WIF1: variants seen among roughly 807,000 people sequenced by gnomAD.
WIF1 encodes the protein Wnt inhibitory factor 1.
Under a neutral mutation model 53.5 loss-of-function variants are expected in WIF1, and 35 were observed. The ratio of observed to expected loss-of-function variants is 0.65; its 90% confidence interval spans 0.50 to 0.87. The LOEUF (loss-of-function observed/expected upper bound fraction) is 0.87. Among genes scored for constraint, WIF1 ranks in the 40% least tolerant of loss-of-function variants. The pLI, the probability that WIF1 is intolerant of heterozygous loss-of-function variation, is 0.00. For missense variants in WIF1, 467 were observed against 476.8 expected (o/e 0.98, Z 0.19); for synonymous variants, 171 against 170.4 (o/e 1.00, Z -0.03).
chr12:65,110,154 G>A (rs1042884501), intron 2 of WIF1, among the ~76,000 whole-genome samples: 1 of 152,142 alleles, frequency 6.6e-6, no homozygotes, highest in African/African-American at 2.4e-5. Context: ...ACATAAAAGT[G>A]TTAGGGCCTA....
At chr12:65,071,611 T>C (rs2136617708) in intron 3 of WIF1, among the ~76,000 whole-genome samples, 1 of 152,346 alleles carries the variant, frequency 6.6e-6, no homozygotes, top group African/African-American at 2.4e-5. Context: ...CAATTTTTGC[T>C]AATTTTATTT....
At chr12:65,052,584 T>C (rs1018354161) in intron 9 of WIF1, among the ~76,000 whole-genome samples, 6 of 152,220 alleles carry the variant, frequency 3.9e-5, no homozygotes, top group Admixed American at 6.5e-5. Context: ...AGCTTCCTTG[T>C]CACCTCCGTC....
intron 9 of WIF1, among the ~76,000 whole-genome samples, chr12:65,054,343 A>C (rs1455451855): frequency 1.3e-5 from 2 of 152,012 alleles, no homozygotes; most frequent in African/African-American, 2.4e-5. Flanking sequence ...TGTTTTGTTA[A>C]TTTGCTAATT....
At chr12:65,097,380 A>G (rs1883221531) in intron 2 of WIF1, among the ~76,000 whole-genome samples, 2 of 152,154 alleles carry the variant, frequency 1.3e-5, no homozygotes, top group Admixed American at 1.3e-4. Flanking sequence ...TCCTTCCTAC[A>G]TGGCATAGTT....
chr12:65,092,438 A>ATC (rs1403773729), intron 2 of WIF1, among the ~76,000 whole-genome samples: 2 of 140,358 alleles, frequency 1.4e-5, no homozygotes, highest in African/African-American at 5.1e-5. Flanking sequence ...ATATATGTGT[A>ATC]TATATATATG....
At chr12:65,089,413 A>T (rs1457463905) in intron 2 of WIF1, among the ~76,000 whole-genome samples, 1 of 152,084 alleles carries the variant, frequency 6.6e-6, no homozygotes, top group Non-Finnish European at 1.5e-5. Context: ...CTCCCTGGTA[A>T]CTCATGCGCT....
chr12:65,050,992 T>TAA lies in WIF1; in HGVS notation c.*356_*357insTT, dbSNP rs1245031521. On this transcript the variant is annotated 3_prime_UTR_variant, in exon 10 of 10. Transcript: ENST00000286574. The stretch of plus-strand genomic sequence containing the variant: ...CTGCACCATCCAAATTCTTGTGACT[T>TAA]ACGCATTTTTGCCCAATTTAACCTT... The TAA allele has an allele frequency of 4.2e-6, 1 of 240,174 alleles. No homozygotes were observed. The highest frequency in any genetic ancestry group is 2.2e-5 in the African/African-American group (1 of 45,616). The allele number at this position is 240,174 out of a possible 1,614,324, so 14.9% of individuals were successfully genotyped here.
chr12:65,061,947 T>C (rs932397992), intron 7 of WIF1, among the ~76,000 whole-genome samples: 6 of 152,334 alleles, frequency 3.9e-5, no homozygotes, highest in African/African-American at 1.4e-4. Context: ...TTAGTATCTG[T>C]GTGGTTCATT....
chr12:65,056,164 G>A, intron 7 of WIF1, 38 bp from the exon 8 acceptor site: 1 of 1,584,154 alleles, frequency 6.3e-7, no homozygotes, highest in Non-Finnish European at 8.7e-7. Flanking sequence ...AAGGAACCTG[G>A]TGCTTCATTC....
chr12:65,057,243 A>G (rs1005811478), intron 7 of WIF1, among the ~76,000 whole-genome samples: 1 of 152,216 alleles, frequency 6.6e-6, no homozygotes, highest in African/African-American at 2.4e-5. Context: ...GTGACACAAA[A>G]GGTGCCCAAT....
In WIF1 at chr12:65,078,236, G is replaced by A. The variant is rs897876982; in HGVS notation, c.289-382C>T. Among the ~76,000 whole-genome samples, 5 of 151,998 alleles carry A rather than the reference G, an allele frequency of 3.3e-5. No individual in the cohort carries two copies. The East Asian group carries it at 5.8e-4, about 18-fold the overall frequency. ...TGGGATTACAGGCATGTACCACCAC[G>A]CCCTGCTAATTTTTGTATTTTTAGT... On this transcript the variant is annotated intron_variant, in intron 2 of 9. Coordinates refer to ENST00000286574, the MANE Select transcript of WIF1 (RefSeq NM_007191.5).
chr12:65,067,940 C>T, intron 4 of WIF1, 150 bp from the exon 5 acceptor site: 2 of 654,210 alleles, frequency 3.1e-6, no homozygotes, highest in Non-Finnish European at 5.1e-6. Context: ...CTCATTCCCT[C>T]GATATCACTT....
At chr12:65,108,675 A>G (rs1883385553) in intron 2 of WIF1, among the ~76,000 whole-genome samples, 1 of 152,154 alleles carries the variant, frequency 6.6e-6, no homozygotes, top group Non-Finnish European at 1.5e-5. Flanking sequence ...CTCACCTTTC[A>G]TGGTATCTCA....
At chr12:65,058,989 T>C (rs1592387178) in intron 7 of WIF1, among the ~76,000 whole-genome samples, 1 of 151,856 alleles carries the variant, frequency 6.6e-6, no homozygotes, top group East Asian at 1.9e-4. Context: ...AAGGCGGAGG[T>C]TGCAGAGAGC....
intron 2 of WIF1, among the ~76,000 whole-genome samples, chr12:65,104,690 C>T (rs1372820621): frequency 6.6e-6 from 1 of 152,142 alleles, no homozygotes; most frequent in Non-Finnish European, 1.5e-5. Flanking sequence ...ACATTTTCCT[C>T]TATTTTCTTC....
intron 3 of WIF1, among the ~76,000 whole-genome samples, chr12:65,077,484 TA>T (rs894103918): frequency 3.3e-5 from 5 of 152,196 alleles, no homozygotes; most frequent in African/African-American, 4.8e-5. Context: ...TTTTTTTCTT[TA>T]AAAAAGTCTG....
At chr12:65,069,059 A>G (rs369501262) in intron 3 of WIF1, among the ~76,000 whole-genome samples, 155 bp from the exon 4 acceptor site, 7 of 152,182 alleles carry the variant, frequency 4.6e-5, no homozygotes, top group Admixed American at 3.9e-4. Context: ...CTGTATTTTG[A>G]GCATCTGGGC....
At chr12:65,110,046 C>T (rs771780964) in intron 2 of WIF1, among the ~76,000 whole-genome samples, 7 of 152,082 alleles carry the variant, frequency 4.6e-5, no homozygotes, top group African/African-American at 1.2e-4. Context: ...AAGATATTAC[C>T]ATTAATGTTA....
intron 7 of WIF1, 50 bp downstream of exon 7, chr12:65,062,431 G>A (rs765925835): frequency 1.3e-6 from 2 of 1,492,708 alleles, no homozygotes; most frequent in South Asian, 1.2e-5. Flanking sequence ...GGTTATATGG[G>A]GTTTCTAAGG....
Sources: allele counts gnomAD v4.1 joint callset (sites outside exome capture counted in the v4.1 genomes callset), GRCh38; gene constraint gnomAD v4.1.1; transcripts MANE v1.5; gene names NCBI Gene and HGNC (gene_info 2026-07-23, HGNC 2026-07-21).